FARP1: variants seen among roughly 807,000 people sequenced by gnomAD.
FARP1 encodes FERM, ARH/RhoGEF and pleckstrin domain protein 1.
FARP1 carries 52 observed loss-of-function variants against 128.8 expected under a neutral mutation model. The ratio of observed to expected loss-of-function variants is 0.40; its 90% CI spans 0.32 to 0.51. FARP1 has a LOEUF of 0.51. Among genes scored for constraint, FARP1 ranks in the 20% least tolerant of loss-of-function variants. The pLI, the probability that FARP1 is intolerant of heterozygous loss-of-function variation, is 0.45. For missense variants in FARP1, 1,333 were observed against 1,367.9 expected (o/e 0.97, Z 0.40); for synonymous variants, 580 against 551.8 (o/e 1.05, Z -0.72).
chr13:98,238,208 T>C (rs1305288024), intron 2 of FARP1, among the ~76,000 whole-genome samples: 3 of 152,216 alleles, frequency 2.0e-5, no homozygotes, highest in Non-Finnish European at 2.9e-5. Context: ...GGAGAAAGCA[T>C]ATCTGCGAAA....
chr13:98,398,689 C>T (rs1186112292), intron 13 of FARP1: 1 of 152,162 alleles, frequency 6.6e-6, no homozygotes, highest in Non-Finnish European at 1.5e-5. Context: ...CACATTTTTG[C>T]ATAATCTGTT....
chr13:98,172,431 C>T (rs1309176356), intron 1 of FARP1, among the ~76,000 whole-genome samples: 1 of 151,984 alleles, frequency 6.6e-6, no homozygotes, highest in Non-Finnish European at 1.5e-5. Context: ...CTTGGAATTT[C>T]CTCATGACCT....
At chr13:98,433,114 C>T (rs1566316203) in intron 18 of FARP1, 1 of 152,184 alleles carries the variant, frequency 6.6e-6, no homozygotes, top group East Asian at 1.9e-4. Flanking sequence ...GCGTGCAGGG[C>T]ACAGGGAGAG....
intron 1 of FARP1, among the ~76,000 whole-genome samples, chr13:98,179,204 G>A (rs1878327835): frequency 7.9e-6 from 1 of 127,072 alleles, no homozygotes; most frequent in African/African-American, 2.6e-5. Flanking sequence ...TGTCTCGCAT[G>A]GCAGCAGACG....
chr13:98,263,782 T>C (rs1883983897), intron 2 of FARP1, among the ~76,000 whole-genome samples: 1 of 152,246 alleles, frequency 6.6e-6, no homozygotes, highest in Non-Finnish European at 1.5e-5. Flanking sequence ...AGAATTGATC[T>C]CACATTTGTG....
At chr13:98,429,896 A>G (rs556681127) in intron 17 of FARP1, among the ~76,000 whole-genome samples, 29 of 152,302 alleles carry the variant, frequency 1.9e-4, no homozygotes, top group Admixed American at 1.4e-3. Context: ...TGTGCCTTTT[A>G]TATCTATAGA....
intron 3 of FARP1, among the ~76,000 whole-genome samples, chr13:98,348,744 A>AT (rs539072104): frequency 1.1e-4 from 17 of 150,676 alleles, no homozygotes; most frequent in East Asian, 9.7e-4. Context: ...GATTCTTTTG[A>AT]TTTTTTTTTT....
chr13:98,390,640 G>T, intron 10 of FARP1, 172 bp from the exon 11 acceptor site: 1 of 557,884 alleles, frequency 1.8e-6, no homozygotes, highest in South Asian at 2.7e-5. Context: ...AGACTGAGTG[G>T]ACCCAAAAAT....
intron 1 of FARP1, among the ~76,000 whole-genome samples, chr13:98,180,586 C>T (rs2139199657): frequency 6.6e-6 from 1 of 152,350 alleles, no homozygotes. Context: ...TGCTTGTCAT[C>T]TCCCTCCACA....
intron 1 of FARP1, among the ~76,000 whole-genome samples, chr13:98,195,597 G>A (rs928225421): frequency 6.6e-6 from 1 of 152,198 alleles, no homozygotes; most frequent in Admixed American, 6.5e-5. Context: ...GGCAGTGGGT[G>A]CCATAGTGCC....
intron 1 of FARP1, among the ~76,000 whole-genome samples, chr13:98,150,127 C>A (rs1303341279): frequency 6.6e-6 from 1 of 151,982 alleles, no homozygotes; most frequent in African/African-American, 2.4e-5. Context: ...CAACCTCTGC[C>A]TCCCAGGTTC....
At chr13:98,418,235 A>C (rs1307908576) in intron 16 of FARP1, among the ~76,000 whole-genome samples, 1 of 151,654 alleles carries the variant, frequency 6.6e-6, no homozygotes, top group African/African-American at 2.4e-5. Flanking sequence ...TTTAAGCATG[A>C]GTAAAATTAC....
intron 2 of FARP1, among the ~76,000 whole-genome samples, chr13:98,287,322 C>G (rs187820926): frequency 6.8e-6 from 1 of 147,612 alleles, no homozygotes; most frequent in African/African-American, 2.5e-5. Context: ...CTTCTCCTCC[C>G]GGGTTCATGC....
chr13:98,435,230 G>A lies in FARP1; in HGVS notation c.2144-346G>A, dbSNP rs1213262744. On this transcript the variant is annotated intron_variant, in intron 18 of 26. Transcript: ENST00000319562. ...TGTGCCTTGTTCTTTCCGAGTAACA[G>A]GAGGGAAAAGAAAAGTCTCTACCCA... is the stretch of plus-strand genomic sequence containing the variant. Among the ~76,000 whole-genome samples, 5 of 152,078 alleles carry A rather than the reference G, an allele frequency of 3.3e-5. No homozygotes were observed. In the East Asian group the frequency reaches 5.8e-4, roughly 18 times the overall value.
Position 98,409,343 on chromosome 13 carries a change from C to T in FARP1, c.1420C>T (p.Leu474=). ...AACTTCTCATCCCCAAACAGGCTCCCTGACTGGCAGTCCTCACCTTTCCGA... is the reference window on the plus strand; with the variant it reads ...AACTTCTCATCCCCAAACAGGCTCCTTGACTGGCAGTCCTCACCTTTCCGA... ...PQPPQPSTGS[L]TGSPHLSELS... The change falls in exon 14 of 27, where the codon CTG becomes TTG. Residue 474 remains leucine, a synonymous_variant. Coordinates refer to ENST00000319562, the MANE Select transcript of FARP1 (RefSeq NM_005766.4). The T allele has an allele frequency of 6.2e-7, 1 of 1,602,798 alleles. No homozygotes were observed. The highest frequency in any genetic ancestry group is 1.1e-5 in the South Asian group (1 of 90,412).
intron 2 of FARP1, among the ~76,000 whole-genome samples, chr13:98,257,838 ACTTCTGATCTATTT>A (rs1415096055): frequency 2.6e-5 from 4 of 152,152 alleles, no homozygotes; most frequent in Non-Finnish European, 4.4e-5. Context: ...CCAAGCTAAA[ACTTCTGATCTATTT>A]GCTACTATGT....
At chr13:98,371,582 C>T (rs1271766301) in intron 5 of FARP1, among the ~76,000 whole-genome samples, 2 of 151,884 alleles carry the variant, frequency 1.3e-5, no homozygotes, top group East Asian at 3.9e-4. Context: ...ATCTCTCCAT[C>T]ACTCCCCACT....
At chr13:98,408,064 T>A (rs972123876) in intron 13 of FARP1, among the ~76,000 whole-genome samples, 4 of 152,228 alleles carry the variant, frequency 2.6e-5, no homozygotes, top group African/African-American at 7.2e-5. Flanking sequence ...GAGAAAGCGC[T>A]GACTTTGTCT....
intron 3 of FARP1, among the ~76,000 whole-genome samples, chr13:98,349,348 C>T (rs1287601634): frequency 6.6e-6 from 1 of 152,064 alleles, no homozygotes; most frequent in Non-Finnish European, 1.5e-5. Flanking sequence ...AACTCAGAAA[C>T]CAGTGAAGCC....
Sources: allele counts gnomAD v4.1 joint callset (sites outside exome capture counted in the v4.1 genomes callset), GRCh38; gene constraint gnomAD v4.1.1; transcripts MANE v1.5; gene names NCBI Gene and HGNC (gene_info 2026-07-23, HGNC 2026-07-21).